CSF2RA: variants seen among roughly 807,000 people sequenced by gnomAD.
CSF2RA encodes granulocyte-macrophage colony-stimulating factor receptor subunit alpha.
In CSF2RA, 42 loss-of-function variants were observed where a neutral mutation model predicts 51.6. The observed-to-expected ratio is 0.81, with a 90% CI of 0.64 to 1.05. The LOEUF (loss-of-function observed/expected upper bound fraction) is 1.05. Among genes scored for constraint, CSF2RA ranks in the 50% least tolerant of loss-of-function variants. The pLI, the probability that CSF2RA is intolerant of heterozygous loss-of-function variation, is 0.00. For synonymous variants in CSF2RA, 222 were observed against 193.0 expected (o/e 1.15, Z -1.24); for missense variants, 530 against 501.1 (o/e 1.06, Z -0.55).
At position 1,283,621 on chromosome X, in the gene CSF2RA, G is replaced by A. The variant is rs146264421; in HGVS notation, c.76+842G>A. 4.4e-3 allele frequency among the ~76,000 whole-genome samples: 655 copies of A among 150,040 alleles called. 7 individuals carry two copies. Among genetic ancestry groups the A allele is most frequent in the African/African-American group, 0.015 (611 of 40,766 alleles). ...TCCCTCTTGTTGCCCAGGCTGGAGTGCAATGGCTCAATCTCAGCTCACTGC... is the reference window on the plus strand; with the variant it reads ...TCCCTCTTGTTGCCCAGGCTGGAGTACAATGGCTCAATCTCAGCTCACTGC... On this transcript the variant is annotated intron_variant, in intron 3 of 12. Coordinates refer to ENST00000381529, the MANE Select transcript of CSF2RA (RefSeq NM_172245.4).
chrX:1,284,601 T>A (rs1454054852), intron 3 of CSF2RA, among the ~76,000 whole-genome samples: 3 of 135,478 alleles, frequency 2.2e-5, no homozygotes, highest in South Asian at 2.3e-4. Context: ...CTAATTTAAA[T>A]TTTTTTTTTT....
At chrX:1,308,066 G>T (rs1442362737) in intron 12 of CSF2RA, among the ~76,000 whole-genome samples, 3 of 151,782 alleles carry the variant, frequency 2.0e-5, no homozygotes, top group African/African-American at 7.3e-5. Flanking sequence ...GATTAGATGA[G>T]GCCCACCCCC....
At chrX:1,282,332 T>C (rs2090158774) in intron 2 of CSF2RA, 1 of 311,906 alleles carries the variant, frequency 3.2e-6, no homozygotes, top group South Asian at 7.2e-5. Flanking sequence ...CTATGAAAAA[T>C]GAATGAAAGT....
At chrX:1,303,483 G>T (rs1290355472) in intron 10 of CSF2RA, 5 of 442,962 alleles carry the variant, frequency 1.1e-5, no homozygotes, top group Admixed American at 3.9e-5. Context: ...CAGATGATGC[G>T]CCCGCCTCGG....
chrX:1,280,895 C>T (rs1483706398), intron 2 of CSF2RA, among the ~76,000 whole-genome samples: 4 of 141,828 alleles, frequency 2.8e-5, no homozygotes, highest in Non-Finnish European at 4.6e-5. Context: ...TTCTCCTCCT[C>T]CTCCTCCTGC....
the CSF2RA span, among the ~76,000 whole-genome samples, chrX:1,319,055 G>T: frequency 7.4e-6 from 1 of 135,122 alleles, no homozygotes; most frequent in Non-Finnish European, 1.7e-5. Flanking sequence ...GAGTACAGTG[G>T]CATGATCTCG....
chrX:1,296,005 C>T (rs2091911636), intron 9 of CSF2RA, among the ~76,000 whole-genome samples: 1 of 150,812 alleles, frequency 6.6e-6, no homozygotes, highest in Non-Finnish European at 1.5e-5. Flanking sequence ...ATCCTACAGT[C>T]TCCTACTCAC....
chrX:1,270,203 T>C (rs773963659), intron 1 of CSF2RA, among the ~76,000 whole-genome samples: 1 of 151,976 alleles, frequency 6.6e-6, no homozygotes, highest in African/African-American at 2.4e-5. Flanking sequence ...TGACTATCTT[T>C]TGCAGTAATC....
chrX:1,318,126 C>A, the CSF2RA span, among the ~76,000 whole-genome samples: 5 of 148,746 alleles, frequency 3.4e-5, no homozygotes, highest in Non-Finnish European at 6.0e-5. Context: ...GTAGCTGGGA[C>A]TACAGGCACC....
rs112472402 is a variant in CSF2RA, at chrX:1,298,616, G to A, written c.811-1875G>A. Among the ~76,000 whole-genome samples the A allele has an allele frequency of 3.5e-3, 35 of 9,860 alleles. 2 individuals are homozygous for A. Among genetic ancestry groups the A allele is most frequent in the East Asian group, 0.013 (3 of 230 alleles). The allele number at this position is 9,860 out of a possible 152,430, so 6.5% of individuals were successfully genotyped here. A position where few individuals can be genotyped will look rare whatever the true frequency, so the allele number is the denominator to read the frequency against. On this transcript the variant is annotated intron_variant, in intron 9 of 12. Coordinates refer to ENST00000381529, the MANE Select transcript of CSF2RA (RefSeq NM_172245.4). The stretch of plus-strand genomic sequence containing the variant: ...TGGAACCCTACAGTCCCCTACTCAC[G>A]ACCCCTACACTCTCCTACCCATGAC...
At chrX:1,319,995 A>C in the CSF2RA span, among the ~76,000 whole-genome samples, 1 of 138,918 alleles carries the variant, frequency 7.2e-6, no homozygotes, top group Non-Finnish European at 1.6e-5. Context: ...TCCTGGGTTC[A>C]CGCCATTCTC....
intron 12 of CSF2RA, among the ~76,000 whole-genome samples, chrX:1,308,459 G>T (rs1280582461): frequency 8.6e-5 from 13 of 152,018 alleles, no homozygotes; most frequent in African/African-American, 2.9e-4. Context: ...CCCAGAGAGG[G>T]TGACTAAGGG....
At chrX:1,273,134 T>A (rs2088666697) in intron 1 of CSF2RA, among the ~76,000 whole-genome samples, 2 of 151,970 alleles carry the variant, frequency 1.3e-5, no homozygotes, top group South Asian at 4.2e-4. Context: ...ACTTTTTTTA[T>A]CTTGCCCAAA....
chrX:1,308,586 G>A (rs2083911788), intron 12 of CSF2RA, among the ~76,000 whole-genome samples: 1 of 152,038 alleles, frequency 6.6e-6, no homozygotes, highest in South Asian at 2.1e-4. Flanking sequence ...GCAGCCCAGG[G>A]TTGCCCCCAG....
rs1310278957 is a variant in CSF2RA at position 1,305,457 on chromosome X, T to C, written c.1055T>C (p.Ile352Thr). 1.2e-6 allele frequency: 2 copies of C among 1,613,972 alleles called. No individual in the cohort carries two copies. The highest frequency in any genetic ancestry group is 1.7e-6 in the Non-Finnish European group (2 of 1,179,870). ...LGFLFKRFLRIQRLFPPVPQI... is the reference protein window; with the variant it reads ...LGFLFKRFLRTQRLFPPVPQI... The stretch of plus-strand genomic sequence containing the variant: ...TCTCTGTGTCTCAGGTTCCTTAGGA[T>C]ACAGCGGCTGTTCCCGCCAGTTCCA... The change falls in exon 12 of 13, where the codon ATA (isoleucine) becomes ACA (threonine). Residue 352 changes from isoleucine to threonine, a missense_variant. Transcript: ENST00000381529.
chrX:1,295,912 ATGACCTC>A (rs1272178006), intron 9 of CSF2RA, among the ~76,000 whole-genome samples: 1 of 124,942 alleles, frequency 8.0e-6, no homozygotes, highest in African/African-American at 3.2e-5. Context: ...TCCCCTACCG[ATGACCTC>A]CAGCGTAACC....
chrX:1,285,149 C>T (rs1383974713), intron 3 of CSF2RA, among the ~76,000 whole-genome samples: 1 of 152,086 alleles, frequency 6.6e-6, no homozygotes, highest in African/African-American at 2.4e-5. Context: ...CAGCTTTTTG[C>T]CTCAGCCTCC....
rs73177348 is a variant in CSF2RA, at chrX:1,305,282, C to T, written c.1044-164C>T. ...GATTACAGGTGTGAGCCACTGCACC[C>T]GGCCTAGTTCCTTAAGATTTTCGTC... On this transcript the variant is annotated intron_variant, in intron 11 of 12. Transcript: ENST00000381529. Among the ~76,000 whole-genome samples the T allele has an allele frequency of 6.4e-3, 973 of 151,920 alleles. 3 individuals are homozygous for T. The highest frequency in any genetic ancestry group is 9.9e-3 in the Admixed American group (151 of 15,232).
chrX:1,323,492 C>G, the CSF2RA span, among the ~76,000 whole-genome samples: 1 of 152,130 alleles, frequency 6.6e-6, no homozygotes, highest in East Asian at 1.9e-4. Context: ...CGACCGGATT[C>G]TCACATCTGG....
Sources: gnomAD v4.1 joint callset for allele counts (sites outside exome capture counted in the v4.1 genomes callset) on GRCh38, gnomAD v4.1.1 for gene constraint, MANE v1.5 for transcripts, NCBI Gene and HGNC (gene_info 2026-07-23, HGNC 2026-07-21) for gene names.